FGFR2: variants seen among roughly 807,000 people sequenced by gnomAD.
FGFR2 encodes BEK fibroblast growth factor receptor.
In FGFR2, 19 loss-of-function variants were observed where a neutral mutation model predicts 95.9. The ratio of observed to expected loss-of-function variants is 0.20; its 90% CI spans 0.14 to 0.29. The LOEUF (loss-of-function observed/expected upper bound fraction) is 0.29. FGFR2 is among the 10% of genes least tolerant of loss of function. FGFR2 has a pLI of 1.00. For missense variants in FGFR2, 707 were observed against 1,056.9 expected (o/e 0.67, Z 4.59); for synonymous variants, 392 against 393.3 (o/e 1.00, Z 0.04).
chr10:121,545,633 AAG>A (rs1418512995), intron 5 of FGFR2, among the ~76,000 whole-genome samples: 1 of 152,170 alleles, frequency 6.6e-6, no homozygotes, highest in African/African-American at 2.4e-5. Context: ...AATCTCCATA[AAG>A]TATAAACATG....
intron 13 of FGFR2, among the ~76,000 whole-genome samples, chr10:121,495,622 G>T (rs527712990): frequency 1.2e-4 from 18 of 152,174 alleles, no homozygotes; most frequent in African/African-American, 4.3e-4. Flanking sequence ...TGAGTGATCC[G>T]CAGGCCTTGG....
At chr10:121,573,492 AAGAG>A (rs948261460) in intron 2 of FGFR2, among the ~76,000 whole-genome samples, 1 of 152,138 alleles carries the variant, frequency 6.6e-6, no homozygotes, top group Non-Finnish European at 1.5e-5. Context: ...AGGAAGAAGA[AAGAG>A]AGAAAGAAAT....
chr10:121,503,913 T>G lies in FGFR2; in HGVS notation c.1316A>C (p.Asn439Thr), dbSNP rs916042003. Residue 439 changes from asparagine (N) to threonine (T), a missense_variant, in exon 10 of 18, where the codon AAC (asparagine) becomes ACC (threonine). This residue lies in a region of FGFR2 where 194 missense variants were observed against 267.3 expected (regional missense o/e 0.73). Coordinates refer to ENST00000358487, the MANE Select transcript of FGFR2 (RefSeq NM_000141.5). ...TVSAESSSSM[N>T]SNTPLVRITT... ...TATCCTCACCAGCGGGGTGTTGGAG[T>G]TCATGGAGGAGCTGGACTCAGCCGA... 1.2e-6 allele frequency: 2 copies of G among 1,613,774 alleles called. No individual in the cohort carries two copies. Among genetic ancestry groups the G allele is most frequent in the Non-Finnish European group, 1.7e-6 (2 of 1,179,978 alleles).
chr10:121,565,176 C>CACA (rs1554954525), intron 3 of FGFR2, among the ~76,000 whole-genome samples: 1 of 98,026 alleles, frequency 1.0e-5, no homozygotes, highest in Non-Finnish European at 2.1e-5. Flanking sequence ...GTCAGTGGTA[C>CACA]AAAAAAAAAA....
At chr10:121,523,819 C>T (rs1342815980) in intron 6 of FGFR2, among the ~76,000 whole-genome samples, 1 of 152,200 alleles carries the variant, frequency 6.6e-6, no homozygotes, top group Non-Finnish European at 1.5e-5. Context: ...GCCAGATCAA[C>T]TGAGTTTCAA....
chr10:121,551,231 GTAAA>G, intron 5 of FGFR2, 55 bp downstream of exon 5: 7 of 1,582,122 alleles, frequency 4.4e-6, no homozygotes, highest in South Asian at 2.2e-5. Flanking sequence ...AAAAAAAAAT[GTAAA>G]TAAATAAATA....
intron 9 of FGFR2, among the ~76,000 whole-genome samples, chr10:121,506,709 G>A (rs1246925064): frequency 1.3e-5 from 2 of 152,178 alleles, no homozygotes; most frequent in Admixed American, 6.5e-5. Context: ...CGAGGTGTGA[G>A]AACAAGGGCA....
At chr10:121,512,162 C>G (rs1387483520) in intron 9 of FGFR2, among the ~76,000 whole-genome samples, 2 of 152,188 alleles carry the variant, frequency 1.3e-5, no homozygotes. Context: ...CTTGACACAT[C>G]TGATTAGAGG....
At chr10:121,500,753 A>G (rs1847493902) in intron 11 of FGFR2, 73 bp downstream of exon 11, 1 of 1,599,504 alleles carries the variant, frequency 6.3e-7, no homozygotes, top group African/African-American at 1.3e-5. Context: ...TAGAGTTCAC[A>G]TGCCACAAAA....
At chr10:121,566,474 G>A (rs1420657356) in intron 2 of FGFR2, among the ~76,000 whole-genome samples, 3 of 152,082 alleles carry the variant, frequency 2.0e-5, no homozygotes, top group East Asian at 1.9e-4. Flanking sequence ...GACTCCACAC[G>A]ACAAAGCTGA....
intron 4 of FGFR2, among the ~76,000 whole-genome samples, chr10:121,552,007 T>C (rs1279455749): frequency 1.1e-4 from 8 of 72,290 alleles, no homozygotes; most frequent in South Asian, 6.8e-4. Context: ...TCAGAACTTA[T>C]ATACAAACAA....
chr10:121,558,631 G>A (rs1484605325), intron 4 of FGFR2, among the ~76,000 whole-genome samples: 11 of 144,538 alleles, frequency 7.6e-5, no homozygotes, highest in Middle Eastern at 6.9e-3. Flanking sequence ...TTTTTGAGAC[G>A]GAGTCTCACT....
intron 2 of FGFR2, among the ~76,000 whole-genome samples, chr10:121,570,009 T>C (rs1372790921): frequency 6.6e-6 from 1 of 151,822 alleles, no homozygotes; most frequent in Non-Finnish European, 1.5e-5. Context: ...AGGGATGGGG[T>C]GGGGCCATAC....
chr10:121,509,882 A>G (rs892947845), intron 9 of FGFR2, among the ~76,000 whole-genome samples: 2 of 151,926 alleles, frequency 1.3e-5, no homozygotes, highest in African/African-American at 4.8e-5. Context: ...GGGAGAAGAG[A>G]CGAATTAATA....
chr10:121,520,879 G>A (rs754292122), intron 6 of FGFR2, among the ~76,000 whole-genome samples: 2 of 152,212 alleles, frequency 1.3e-5, no homozygotes, highest in Non-Finnish European at 2.9e-5. Flanking sequence ...CTATGCTCAA[G>A]CGATCCACCT....
At chr10:121,597,027 C>T (rs1466134202) in intron 1 of FGFR2, among the ~76,000 whole-genome samples, 2 of 152,144 alleles carry the variant, frequency 1.3e-5, no homozygotes, top group African/African-American at 4.8e-5. Flanking sequence ...ATAATGGGTG[C>T]CCTGAGTTTG....
chr10:121,510,700 GTCC>G (rs1345814746), intron 9 of FGFR2, among the ~76,000 whole-genome samples: 3 of 151,938 alleles, frequency 2.0e-5, no homozygotes, highest in African/African-American at 7.3e-5. Flanking sequence ...CTTCATCTTG[GTCC>G]TATTCCTAAC....
intron 2 of FGFR2, among the ~76,000 whole-genome samples, chr10:121,568,403 T>C (rs1428707648): frequency 6.6e-6 from 1 of 152,174 alleles, no homozygotes; most frequent in Non-Finnish European, 1.5e-5. Context: ...TATGACAACA[T>C]CACATGATCA....
chr10:121,551,194 T>C, intron 5 of FGFR2, 96 bp downstream of exon 5: 1 of 1,423,566 alleles, frequency 7.0e-7, no homozygotes, highest in South Asian at 1.2e-5. Flanking sequence ...CACTCCAGCC[T>C]GGGCGACAGA....
Sources: allele counts gnomAD v4.1 joint callset (sites outside exome capture counted in the v4.1 genomes callset), GRCh38; gene constraint gnomAD v4.1.1; regional missense constraint gnomAD v4.1.1; transcripts MANE v1.5; gene names NCBI Gene and HGNC (gene_info 2026-07-23, HGNC 2026-07-21).